ANK2: variants seen among roughly 807,000 people sequenced by gnomAD.
The protein encoded by ANK2 is ankyrin-2.
ANK2 carries 83 observed loss-of-function variants against 360.5 expected under a neutral mutation model. The ratio of observed to expected loss-of-function variants is 0.23; its 90% CI spans 0.19 to 0.28. ANK2 has a LOEUF of 0.28. Ranked by LOEUF, ANK2 falls within the 10% of genes least tolerant of loss-of-function variation. The pLI is 1.00. For synonymous variants in ANK2, 1,740 were observed against 1,759.5 expected (o/e 0.99, Z 0.28); for missense variants, 4,201 against 4,795.7 (o/e 0.88, Z 3.66).
Position 113,064,181 on chromosome 4 carries a change from T to A in ANK2, c.84+14369T>A, listed in dbSNP as rs868498558. On this transcript the variant is annotated intron_variant, in intron 1 of 45. Transcript: ENST00000357077. ...TTTCTAGCATTGATAGTAGAGAAAT[T>A]TTTCCTCATTAATTTTTCTTTTTAG... Among the ~76,000 whole-genome samples, 152 of 152,226 alleles carry A rather than the reference T, an allele frequency of 1.0e-3. 1 individual carries two copies. The highest frequency in any genetic ancestry group is 3.4e-3 in the Middle Eastern group (1 of 294).
At chr4:112,817,352 G>C (rs1304458731), upstream of ANK2, among the ~76,000 whole-genome samples, 1 of 152,092 alleles carries the variant, frequency 6.6e-6, no homozygotes, top group Non-Finnish European at 1.5e-5. Context: ...TTGATAATCT[G>C]TTTTTGGACT....
intron 26 of ANK2, among the ~76,000 whole-genome samples, chr4:113,327,012 A>C (rs1376473018): frequency 6.6e-6 from 1 of 152,144 alleles, no homozygotes; most frequent in African/African-American, 2.4e-5. Context: ...TCAAGGAAAA[A>C]AAAATTGTTT....
intron 4 of ANK2, among the ~76,000 whole-genome samples, chr4:113,228,289 G>A (rs913050267): frequency 3.3e-5 from 5 of 152,148 alleles, no homozygotes; most frequent in African/African-American, 7.2e-5. Context: ...CCCATCACCC[G>A]GGCAGTATAC....
intron 9 of ANK2, among the ~76,000 whole-genome samples, chr4:113,246,922 A>G (rs551637713): frequency 1.1e-4 from 17 of 152,228 alleles, no homozygotes; most frequent in Non-Finnish European, 2.2e-4. Context: ...AATTAGTTTC[A>G]GCAGAATTAT....
At chr4:113,024,730 A>G (rs1356594005) in intron 2 of ANK2, among the ~76,000 whole-genome samples, 2 of 152,116 alleles carry the variant, frequency 1.3e-5, no homozygotes, top group Admixed American at 6.6e-5. Flanking sequence ...GCATACAATG[A>G]ATGCTATATA....
chr4:112,994,504 T>C (rs1021728203), intron 2 of ANK2, among the ~76,000 whole-genome samples: 4 of 152,224 alleles, frequency 2.6e-5, no homozygotes, highest in Non-Finnish European at 5.9e-5. Context: ...TTTTCTGTAC[T>C]AATGAAGTTA....
chr4:112,736,786 G>A, the ANK2 span, among the ~76,000 whole-genome samples: 2 of 152,310 alleles, frequency 1.3e-5, no homozygotes, highest in Non-Finnish European at 2.9e-5. Context: ...TGGTTGGGGG[G>A]CTGTCATGTA....
rs114872313 is a variant in ANK2, at chr4:113,053,985, A to G, written c.84+4173A>G. Among the ~76,000 whole-genome samples the G allele has an allele frequency of 4.4e-3, 666 of 152,312 alleles. 5 individuals carry two copies. The highest frequency in any genetic ancestry group is 0.014 in the African/African-American group (581 of 41,576). ...CCACACACTTTCCAATTTTGTAGCA[A>G]TAACATAGCAGTGGATTTATACTAA... On this transcript the variant is annotated intron_variant, in intron 1 of 45. Coordinates refer to ENST00000357077, the MANE Select transcript of ANK2 (RefSeq NM_001148.6).
At chr4:112,712,900 A>G in the ANK2 span, among the ~76,000 whole-genome samples, 4 of 152,184 alleles carry the variant, frequency 2.6e-5, no homozygotes, top group African/African-American at 9.7e-5. Flanking sequence ...TATATAGTTT[A>G]ATGAGTACTG....
chr4:113,183,095 C>G (rs149152338), intron 2 of ANK2, among the ~76,000 whole-genome samples: 8 of 151,876 alleles, frequency 5.3e-5, no homozygotes, highest in Non-Finnish European at 8.8e-5. Flanking sequence ...GATGTATGGG[C>G]AGAGGAGCAG....
At chr4:113,034,081 G>C (rs1015316321) in intron 2 of ANK2, 1 of 151,950 alleles carries the variant, frequency 6.6e-6, no homozygotes. Context: ...AGTTCAAGAG[G>C]AAGAAGCTCT....
chr4:112,964,573 CTTT>C (rs1434179621), intron 2 of ANK2, among the ~76,000 whole-genome samples: 3 of 138,768 alleles, frequency 2.2e-5, no homozygotes, highest in Admixed American at 7.3e-5. Flanking sequence ...TTTCTTTTTT[CTTT>C]TTTTTTTTTT....
At chr4:112,874,064 A>G in intron 1 of ANK2, among the ~76,000 whole-genome samples, 1 of 150,626 alleles carries the variant, frequency 6.6e-6, no homozygotes, top group Middle Eastern at 3.5e-3. Context: ...ACACACACAA[A>G]AGCTCTTGGG....
chr4:113,250,672 C>A (rs2045672391), intron 10 of ANK2, among the ~76,000 whole-genome samples: 1 of 150,440 alleles, frequency 6.6e-6, no homozygotes, highest in African/African-American at 2.4e-5. Flanking sequence ...TATGCAGCAA[C>A]CTTGGATCCT....
At chr4:113,015,187 G>T (rs1271295729) in intron 2 of ANK2, among the ~76,000 whole-genome samples, 1 of 152,114 alleles carries the variant, frequency 6.6e-6, no homozygotes, top group Non-Finnish European at 1.5e-5. Flanking sequence ...TTACAGAGCA[G>T]GTTTAAAGAT....
chr4:113,258,361 A>G lies in ANK2; in HGVS notation c.1336A>G (p.Ile446Val), dbSNP rs2153635096. The change falls in exon 13 of 46, where the codon ATT (isoleucine) becomes GTT (valine). Residue 446 changes from isoleucine (I) to valine (V), a missense_variant. Transcript: ENST00000357077. ...GGCTGCCTTCATGGGCCACTTGAAC[A>G]TTGTCCTCCTTCTGCTGCAGAACGG... is the stretch of plus-strand genomic sequence containing the variant. ...HVAAFMGHLN[I>V]VLLLLQNGAS... 1 of 1,614,164 alleles carries G rather than the reference A, an allele frequency of 6.2e-7. No homozygotes were observed. The highest frequency in any genetic ancestry group is 8.5e-7 in the Non-Finnish European group (1 of 1,180,026).
chr4:112,788,503 G>A, the ANK2 span: 31 of 1,576,676 alleles, frequency 2.0e-5, no homozygotes, highest in African/African-American at 3.2e-4. Context: ...TGGTGGGGAC[G>A]TCCCCTTTGC....
intron 1 of ANK2, among the ~76,000 whole-genome samples, chr4:113,102,395 G>A (rs915732484): frequency 6.6e-6 from 1 of 152,118 alleles, no homozygotes; most frequent in African/African-American, 2.4e-5. Flanking sequence ...GGATATGTCA[G>A]ATGGGCAGCT....
chr4:112,795,288 T>C, the ANK2 span, among the ~76,000 whole-genome samples: 1 of 152,180 alleles, frequency 6.6e-6, no homozygotes, highest in Non-Finnish European at 1.5e-5. Context: ...GGGATATTCA[T>C]GTTTGGATAT....
Sources: gnomAD v4.1 joint callset for allele counts (sites outside exome capture counted in the v4.1 genomes callset) on GRCh38, gnomAD v4.1.1 for gene constraint, MANE v1.5 for transcripts, NCBI Gene and HGNC (gene_info 2026-07-23, HGNC 2026-07-21) for gene names.